PLBD2: variants seen among roughly 807,000 people sequenced by gnomAD.
The protein encoded by PLBD2 is putative aminopeptidase PLBD2.
PLBD2 carries 51 observed loss-of-function variants against 68.3 expected under a neutral mutation model. The observed-to-expected ratio is 0.75, with a 90% CI of 0.60 to 0.94. The LOEUF (loss-of-function observed/expected upper bound fraction) is 0.94. Among genes scored for constraint, PLBD2 ranks in the 40% least tolerant of loss-of-function variants. The pLI, the probability that PLBD2 is intolerant of heterozygous loss-of-function variation, is 0.00. For missense variants in PLBD2, 729 were observed against 792.2 expected (o/e 0.92, Z 0.96); for synonymous variants, 314 against 339.3 (o/e 0.93, Z 0.82).
chr12:113,370,472 C>CTTTTTT (rs71086162), intron 2 of PLBD2, among the ~76,000 whole-genome samples: 427 of 103,610 alleles, frequency 4.1e-3, no homozygotes, highest in Middle Eastern at 7.9e-3. Context: ...TTTTTCTTTT[C>CTTTTTT]TTTTTTTTTT....
In PLBD2 at chr12:113,358,779, G is replaced by A. The variant is rs1390397391; in HGVS notation, c.179G>A (p.Arg60His). 2.8e-6 allele frequency: 4 copies of A among 1,450,548 alleles called. No homozygotes were observed. The African/African-American group carries it at 6.0e-5, about 22-fold the overall frequency. 89.9% of individuals were successfully genotyped at this position (1,450,548 alleles called of 1,614,324 possible). ...ARDGQVPPAS[R>H]SRSVLLDVSA... ...GATGGGCAGGTCCCTCCAGCCTCCC[G>A]CAGCCGCTCGGTGCTCCTGGACGTC... The change falls in exon 1 of 12, where the codon CGC becomes CAC. Residue 60 changes from arginine (R) to histidine (H), a missense_variant. Coordinates refer to ENST00000280800, the MANE Select transcript of PLBD2 (RefSeq NM_173542.4).
intron 1 of PLBD2, among the ~76,000 whole-genome samples, chr12:113,366,862 C>G (rs919535594): frequency 6.8e-6 from 1 of 146,456 alleles, no homozygotes; most frequent in African/African-American, 2.5e-5. Context: ...TGCTCTGTCA[C>G]CCAGGCTGGA....
Position 113,388,584 on chromosome 12 carries a change from A to G in PLBD2, c.1728A>G (p.Pro576=), listed in dbSNP as rs1434441597. 3.7e-6 allele frequency: 6 copies of G among 1,604,918 alleles called. No homozygotes were observed. Among genetic ancestry groups the G allele is most frequent in the East Asian group, 4.5e-5 (2 of 44,494 alleles). The change falls in exon 12 of 12, where the codon CCA becomes CCG. Residue 576 remains proline (P), a synonymous_variant. Coordinates refer to ENST00000280800, the MANE Select transcript of PLBD2 (RefSeq NM_173542.4). ...PFSGLLHMGQ[P]DLWKFAPVKV... ...GCGGCCTGCTGCACATGGGCCAGCC[A>G]GACCTCTGGAAGTTCGCGCCTGTCA... is the stretch of plus-strand genomic sequence containing the variant.
intron 1 of PLBD2, among the ~76,000 whole-genome samples, chr12:113,363,366 G>A (rs1957312517): frequency 6.6e-6 from 1 of 152,058 alleles, no homozygotes; most frequent in Non-Finnish European, 1.5e-5. Context: ...GTCCAGGTGA[G>A]GCTACACTGA....
At chr12:113,369,416 A>C (rs1352695093) in intron 2 of PLBD2, among the ~76,000 whole-genome samples, 2 of 152,188 alleles carry the variant, frequency 1.3e-5, no homozygotes, top group African/African-American at 4.8e-5. Flanking sequence ...CACTTCTGAT[A>C]TTGTCTGACT....
rs577500634 is a variant in PLBD2, at chr12:113,372,824, C to T, written c.543+17C>T. 42 of 1,606,938 alleles carry T rather than the reference C, an allele frequency of 2.6e-5. No individual in the cohort carries two copies. Among genetic ancestry groups the T allele is most frequent in the South Asian group, 9.9e-5 (9 of 90,856 alleles). ...TGGCACCAGGTGAGTCCTGCTGCCA[C>T]GCTTGGTGGGAGGGGGCTTCCAGCT... On this transcript the variant is annotated intron_variant, in intron 3 of 11. Coordinates refer to ENST00000280800, the MANE Select transcript of PLBD2 (RefSeq NM_173542.4). This position sits in a 1 kb window ranked among gnomAD's most constrained non-coding sequence, Gnocchi z 4.2.
chr12:113,364,218 G>T (rs1374157247), intron 1 of PLBD2, among the ~76,000 whole-genome samples: 1 of 152,240 alleles, frequency 6.6e-6, no homozygotes, highest in East Asian at 1.9e-4. Context: ...CAGTGCCGAG[G>T]CCTTGGCTGA....
At chr12:113,383,392 G>A (rs11066549) in intron 6 of PLBD2, among the ~76,000 whole-genome samples, 1 of 152,296 alleles carries the variant, frequency 6.6e-6, no homozygotes, top group East Asian at 1.9e-4. Flanking sequence ...AAATCCTCCT[G>A]CGTGCTTGTC....
chr12:113,389,075 G>A lies in PLBD2; in HGVS notation c.*449G>A, dbSNP rs571565159. 6.8e-4 allele frequency: 104 copies of A among 153,920 alleles called. No individual in the cohort carries two copies. The highest frequency in any genetic ancestry group is 9.4e-4 in the Non-Finnish European group (65 of 69,250). 9.5% of individuals were successfully genotyped at this position (153,920 alleles called of 1,614,324 possible). Reference sequence around the variant, plus strand: ...TGGAGCTGGTGAGCTTTGTCTGGGCGTTGTCTTCGGCTGGCATTGCTCCTC... The same window carrying A: ...TGGAGCTGGTGAGCTTTGTCTGGGCATTGTCTTCGGCTGGCATTGCTCCTC... On this transcript the variant is annotated 3_prime_UTR_variant, in exon 12 of 12. Coordinates refer to ENST00000280800, the MANE Select transcript of PLBD2 (RefSeq NM_173542.4).
chr12:113,371,196 A>T (rs1234815840), intron 2 of PLBD2, among the ~76,000 whole-genome samples: 1 of 152,236 alleles, frequency 6.6e-6, no homozygotes, highest in Non-Finnish European at 1.5e-5. Flanking sequence ...TTGAACCTGC[A>T]TGTGCCTTAG....
At chr12:113,368,082 G>GA (rs71086161) in intron 1 of PLBD2, among the ~76,000 whole-genome samples, 2,037 of 142,122 alleles carry the variant, frequency 0.014, 50 homozygotes, top group African/African-American at 0.046. Context: ...TCTGTCTCAG[G>GA]AAAAAAAAAA....
chr12:113,361,149 GGA>G (rs1491045733), intron 1 of PLBD2, among the ~76,000 whole-genome samples: 1 of 151,754 alleles, frequency 6.6e-6, no homozygotes, highest in Non-Finnish European at 1.5e-5. Context: ...GATCTGTGGG[GGA>G]CTCTGTGTCT....
At chr12:113,387,711 G>C in intron 10 of PLBD2, 33 bp from the exon 11 acceptor site, 1 of 1,604,198 alleles carries the variant, frequency 6.2e-7, no homozygotes, top group Non-Finnish European at 8.5e-7. Context: ...TCCTTCCTGG[G>C]ATGACTGATG....
Position 113,358,820 on chromosome 12 carries a change from CT to C in PLBD2, c.222del (p.Met75TrpfsTer61). 6.6e-7 allele frequency: 1 copy of C among 1,511,202 alleles called. No homozygotes were observed. The highest frequency in any genetic ancestry group is 8.8e-7 in the Non-Finnish European group (1 of 1,131,908). 93.6% of individuals were successfully genotyped at this position (1,511,202 alleles called of 1,614,324 possible). ...VLLDVSAGQLLMVDGRHPDAV... is the reference protein window; with the variant it reads ...VLLDVSAGQLXMVDGRHPDAV... ...CCTGGACGTCTCGGCGGGCCAGCTG[CT>C]TATGGTGGACGGACGCCACCCTGAC... On this transcript the variant is annotated frameshift_variant, in exon 1 of 12. Coordinates refer to ENST00000280800, the MANE Select transcript of PLBD2 (RefSeq NM_173542.4). LOFTEE classifies it high-confidence loss of function.
In PLBD2 at chr12:113,384,190, G is replaced by T; in HGVS notation, c.1043G>T (p.Arg348Leu). ...RPRGCVLEWV[R>L]NIVANRLASD... is the part of the protein sequence containing the mutation. ...AGGGGCTGTGTGCTGGAGTGGGTAC[G>T]CAACATCGTGGCCAACCGCCTGGCC... The change falls in exon 7 of 12, where the codon CGC becomes CTC. Residue 348 changes from arginine to leucine, a missense_variant. Arg to Leu is a moderately radical substitution (Grantham distance 102). Coordinates refer to ENST00000280800, the MANE Select transcript of PLBD2 (RefSeq NM_173542.4). The surrounding 1 kb of genome is among the most constrained non-coding windows in gnomAD (Gnocchi z 4.2). The T allele has an allele frequency of 1.2e-6, 2 of 1,613,914 alleles. No individual in the cohort carries two copies. The highest frequency in any genetic ancestry group is 1.7e-6 in the Non-Finnish European group (2 of 1,179,964).
At position 113,391,309 on chromosome 12, in the gene PLBD2, C is replaced by T. The variant is rs147627519; in HGVS notation, c.*2683C>T. The T allele has an allele frequency of 1.5e-3, 236 of 152,304 alleles. No homozygotes were observed. The highest frequency in any genetic ancestry group is 5.4e-3 in the African/African-American group (225 of 41,560). 9.4% of individuals were successfully genotyped at this position (152,304 alleles called of 1,614,324 possible). The stretch of plus-strand genomic sequence containing the variant: ...TCTTATTAGCTAGCTATGGACTCCT[C>T]TCTGAGCCTCGATTACCTCATCTGT... On this transcript the variant is annotated 3_prime_UTR_variant, in exon 12 of 12. Transcript: ENST00000280800.
intron 9 of PLBD2, among the ~76,000 whole-genome samples, chr12:113,386,154 G>A (rs1402493884): frequency 2.0e-5 from 3 of 152,064 alleles, no homozygotes; most frequent in African/African-American, 4.8e-5. Context: ...TTGTTATCCC[G>A]AATGTCATAG....
chr12:113,362,278 G>A (rs1957302773), intron 1 of PLBD2, among the ~76,000 whole-genome samples: 1 of 151,780 alleles, frequency 6.6e-6, no homozygotes, highest in Non-Finnish European at 1.5e-5. Flanking sequence ...AGTCAGCTGT[G>A]ATTGTGCCAC....
Position 113,369,117 on chromosome 12 carries a change from TGG to T in PLBD2, c.294_295del (p.Trp98CysfsTer13), listed in dbSNP as rs1392577393. 1.9e-6 allele frequency: 3 copies of T among 1,590,582 alleles called. No homozygotes were observed. ...GAGTGTCCCCTCCTTCCCCTCCAGGTGGGCCTTCCTGGAGCTGGGCACAAGTG... is the reference window on the plus strand; with the variant it reads ...GAGTGTCCCCTCCTTCCCCTCCAGGTGCCTTCCTGGAGCTGGGCACAAGTG... ...NLTNAIRETG[W>X]AFLELGTSGQ... On this transcript the variant is annotated frameshift_variant and splice_region_variant, in exon 2 of 12. Transcript: ENST00000280800.
Sources: gnomAD v4.1 joint callset for allele counts (sites outside exome capture counted in the v4.1 genomes callset) on GRCh38, gnomAD v4.1.1 for gene constraint, Gnocchi (gnomAD v3.1) non-coding constraint, MANE v1.5 for transcripts, NCBI Gene and HGNC (gene_info 2026-07-23, HGNC 2026-07-21) for gene names.